Variants in GRM8 observed in about 807,000 individuals in gnomAD.
GRM8 encodes glutamate metabotropic receptor 8.
GRM8 carries 47 observed loss-of-function variants against 87.2 expected under a neutral mutation model. The ratio of observed to expected loss-of-function variants is 0.54; its 90% CI spans 0.43 to 0.69. GRM8 has a LOEUF of 0.69. Among genes scored for constraint, GRM8 ranks in the 30% least tolerant of loss-of-function variants. The pLI is 0.00. For synonymous variants in GRM8, 396 were observed against 404.5 expected (o/e 0.98, Z 0.25); for missense variants, 1,019 against 1,139.2 (o/e 0.89, Z 1.52).
chr7:126,540,990 C>T (rs1475269006), intron 8 of GRM8, among the ~76,000 whole-genome samples: 1 of 152,208 alleles, frequency 6.6e-6, no homozygotes, highest in Non-Finnish European at 1.5e-5. Flanking sequence ...GGTTTTAAGA[C>T]TCAGTCCTAT....
intron 3 of GRM8, among the ~76,000 whole-genome samples, chr7:127,000,074 G>A (rs919123432): frequency 6.6e-6 from 1 of 151,800 alleles, no homozygotes; most frequent in East Asian, 1.9e-4. Flanking sequence ...GAAAGAATAA[G>A]ATCCTGTCAT....
chr7:127,132,735 G>A (rs552413090), intron 2 of GRM8, among the ~76,000 whole-genome samples: 2 of 152,126 alleles, frequency 1.3e-5, no homozygotes, highest in African/African-American at 4.8e-5. Flanking sequence ...TTCCAAGCAG[G>A]GGAAGAGCTG....
chr7:126,854,193 AC>A (rs1454555386), intron 6 of GRM8, among the ~76,000 whole-genome samples: 1 of 152,228 alleles, frequency 6.6e-6, no homozygotes, highest in African/African-American at 2.4e-5. Flanking sequence ...TGTTCCCTAA[AC>A]AGCCTTTTCC....
chr7:127,050,359 G>C (rs1240067446), intron 3 of GRM8, among the ~76,000 whole-genome samples: 3 of 152,156 alleles, frequency 2.0e-5, no homozygotes, highest in Non-Finnish European at 4.4e-5. Flanking sequence ...GAACCATGGA[G>C]GAAATGCTAC....
intron 4 of GRM8, 25 bp from the exon 5 acceptor site, chr7:126,904,151 C>T (rs372536744): frequency 1.5e-4 from 236 of 1,573,110 alleles, no homozygotes; most frequent in Non-Finnish European, 2.0e-4. Flanking sequence ...ATAAATAATG[C>T]ATATCACATG....
At chr7:126,516,898 TA>T (rs999380209) in intron 9 of GRM8, among the ~76,000 whole-genome samples, 8 of 152,032 alleles carry the variant, frequency 5.3e-5, no homozygotes, top group East Asian at 3.9e-4. Flanking sequence ...TGAATTCTTT[TA>T]AAAAAACACA....
At chr7:126,891,309 A>T (rs1212918063) in intron 6 of GRM8, among the ~76,000 whole-genome samples, 2 of 151,904 alleles carry the variant, frequency 1.3e-5, no homozygotes, top group African/African-American at 4.8e-5. Flanking sequence ...TCATTTCTGG[A>T]AAATTACTGT....
At chr7:126,643,635 C>T (rs1430734331) in intron 7 of GRM8, among the ~76,000 whole-genome samples, 2 of 151,966 alleles carry the variant, frequency 1.3e-5, no homozygotes, top group South Asian at 2.1e-4. Flanking sequence ...TTCCAGAGAT[C>T]CACTGTGTTT....
At chr7:127,130,870 T>TC (rs1827651162) in intron 2 of GRM8, among the ~76,000 whole-genome samples, 1 of 152,204 alleles carries the variant, frequency 6.6e-6, no homozygotes, top group Non-Finnish European at 1.5e-5. Flanking sequence ...CTCCTTGCTT[T>TC]CCCTTCACCT....
intron 2 of GRM8, among the ~76,000 whole-genome samples, chr7:127,182,921 T>C (rs759264047): frequency 2.5e-4 from 38 of 151,812 alleles, no homozygotes; most frequent in Non-Finnish European, 3.7e-4. Flanking sequence ...GGACTAGGGA[T>C]AAAAGTCTAC....
At chr7:127,156,393 A>G (rs1301667866) in intron 2 of GRM8, among the ~76,000 whole-genome samples, 1 of 152,182 alleles carries the variant, frequency 6.6e-6, no homozygotes. Context: ...CCACAGCCCA[A>G]AGCTTAGGAC....
At chr7:126,493,964 A>G (rs1341392988) in intron 9 of GRM8, among the ~76,000 whole-genome samples, 1 of 151,920 alleles carries the variant, frequency 6.6e-6, no homozygotes, top group Non-Finnish European at 1.5e-5. Flanking sequence ...CCCTGGCATG[A>G]CTGGCAGGGG....
intron 2 of GRM8, among the ~76,000 whole-genome samples, chr7:127,112,727 A>C (rs1826448424): frequency 1.3e-5 from 2 of 152,198 alleles, no homozygotes; most frequent in Admixed American, 6.5e-5. Flanking sequence ...CAAATCACCG[A>C]AGTGCCGCTT....
chr7:127,035,023 C>T (rs1349934327), intron 3 of GRM8, among the ~76,000 whole-genome samples: 1 of 152,048 alleles, frequency 6.6e-6, no homozygotes, highest in Admixed American at 6.6e-5. Context: ...GATTGGTTGC[C>T]AGTAAATAGC....
intron 6 of GRM8, among the ~76,000 whole-genome samples, chr7:126,836,452 A>G (rs1795836134): frequency 6.6e-6 from 1 of 152,148 alleles, no homozygotes; most frequent in Admixed American, 6.5e-5. Flanking sequence ...AAGAAATTCA[A>G]ATTCCATAAC....
At chr7:127,239,378 C>T (rs1419388) in intron 2 of GRM8, among the ~76,000 whole-genome samples, 8,550 of 152,214 alleles carry the variant, frequency 0.056, 316 homozygotes, top group African/African-American at 0.093. Flanking sequence ...AGGTTCATTG[C>T]ATATCTTCAG....
intron 3 of GRM8, chr7:126,981,727 C>G (rs1350798444): frequency 6.6e-6 from 1 of 152,130 alleles, no homozygotes; most frequent in Non-Finnish European, 1.5e-5. Flanking sequence ...TCTTAGAGGC[C>G]ATGGAGTTCT....
chr7:126,687,103 C>T (rs539829454), intron 7 of GRM8, among the ~76,000 whole-genome samples: 38 of 152,198 alleles, frequency 2.5e-4, no homozygotes, highest in Non-Finnish European at 3.7e-4. Flanking sequence ...TGCGTGACCA[C>T]CACACAGGTC....
chr7:127,106,127 C>A (rs545783020), intron 3 of GRM8, among the ~76,000 whole-genome samples: 7 of 152,308 alleles, frequency 4.6e-5, no homozygotes, highest in Admixed American at 4.6e-4. Flanking sequence ...ATTCCACTGA[C>A]TTTTTTTAAA....
Sources: allele counts gnomAD v4.1 joint callset (sites outside exome capture counted in the v4.1 genomes callset), GRCh38; gene constraint gnomAD v4.1.1; transcripts MANE v1.5; gene names NCBI Gene and HGNC (gene_info 2026-07-23, HGNC 2026-07-21).